Variants in SGCD observed in about 807,000 individuals in gnomAD.
SGCD encodes the protein sarcoglycan delta, also known as delta-sarcoglycan.
In SGCD, 18 loss-of-function variants were observed where a neutral mutation model predicts 36.6. The observed-to-expected ratio is 0.49, with a 90% CI of 0.34 to 0.73. SGCD has a LOEUF of 0.73. Ranked by LOEUF, SGCD falls within the 30% of genes least tolerant of loss-of-function variation. The pLI is 0.01. For synonymous variants in SGCD, 133 were observed against 130.6 expected (o/e 1.02, Z -0.12); for missense variants, 387 against 346.7 (o/e 1.12, Z -0.92).
At chr5:156,423,531 G>A (rs182240247) in intron 3 of SGCD, among the ~76,000 whole-genome samples, 124 of 144,558 alleles carry the variant, frequency 8.6e-4, no homozygotes, top group African/African-American at 2.9e-3. Context: ...CTGTACCTTC[G>A]ATGTGAAGGT....
At chr5:155,860,340 T>C in the SGCD span, among the ~76,000 whole-genome samples, 1 of 152,238 alleles carries the variant, frequency 6.6e-6, no homozygotes, top group Non-Finnish European at 1.5e-5. Context: ...TTTAAACTTT[T>C]TTAACCTATT....
intron 4 of SGCD, among the ~76,000 whole-genome samples, chr5:156,527,250 A>C (rs948863274): frequency 6.6e-6 from 1 of 152,238 alleles, no homozygotes; most frequent in African/African-American, 2.4e-5. Context: ...ATACAGTAAC[A>C]TAGTCACAAA....
chr5:155,911,909 C>T (rs1381913112), intron 1 of SGCD, among the ~76,000 whole-genome samples: 1 of 152,092 alleles, frequency 6.6e-6, no homozygotes, highest in Non-Finnish European at 1.5e-5. Flanking sequence ...CTGCTGCCAC[C>T]TGCAGCCCTC....
intron 3 of SGCD, among the ~76,000 whole-genome samples, chr5:156,209,288 A>G (rs1764373836): frequency 6.6e-6 from 1 of 152,126 alleles, no homozygotes; most frequent in South Asian, 2.1e-4. Flanking sequence ...CAACCCTCAG[A>G]GCACCAGGTT....
chr5:156,510,079 C>T (rs1264319500), intron 4 of SGCD, among the ~76,000 whole-genome samples: 1 of 152,208 alleles, frequency 6.6e-6, no homozygotes, highest in East Asian at 1.9e-4. Context: ...TTGTATTAAA[C>T]TGGTACCACT....
intron 3 of SGCD, among the ~76,000 whole-genome samples, chr5:156,415,103 G>A (rs1772956969): frequency 6.6e-6 from 1 of 151,748 alleles, no homozygotes; most frequent in African/African-American, 2.4e-5. Flanking sequence ...AGTCTTGAAT[G>A]GAATAATATC....
At chr5:156,093,998 G>A (rs891908) in intron 1 of SGCD, among the ~76,000 whole-genome samples, 26,774 of 152,096 alleles carry the variant, frequency 0.18, 3,833 homozygotes, top group East Asian at 0.46. Flanking sequence ...GCCCTGCTCT[G>A]GTCATGGTAT....
intron 3 of SGCD, among the ~76,000 whole-genome samples, chr5:156,379,898 AAAG>A (rs1770884238): frequency 1.3e-5 from 2 of 152,206 alleles, no homozygotes; most frequent in South Asian, 2.1e-4. Flanking sequence ...TCTTAGGAAA[AAAG>A]AAAAAGCAAA....
chr5:156,056,645 T>TAAAAAAAAAAAAAAAAA (rs561328077), intron 1 of SGCD, among the ~76,000 whole-genome samples: 4 of 68,278 alleles, frequency 5.9e-5, no homozygotes, highest in East Asian at 1.3e-3. Flanking sequence ...AAATTATCCT[T>TAAAAAAAAAAAAAAAAA]AAAAAAAAAA....
intron 3 of SGCD, among the ~76,000 whole-genome samples, chr5:156,207,210 A>G (rs1764304052): frequency 6.6e-6 from 1 of 152,110 alleles, no homozygotes; most frequent in South Asian, 2.1e-4. Flanking sequence ...CACTGCATGT[A>G]CACTTTGATG....
intron 2 of SGCD, among the ~76,000 whole-genome samples, chr5:156,340,369 T>G (rs1467105178): frequency 6.6e-6 from 1 of 152,218 alleles, no homozygotes; most frequent in African/African-American, 2.4e-5. Context: ...ATCGTGTCCT[T>G]TGGTCCTCTT....
intron 3 of SGCD, among the ~76,000 whole-genome samples, chr5:156,386,616 T>C (rs1771289296): frequency 6.6e-6 from 1 of 152,234 alleles, no homozygotes; most frequent in Admixed American, 6.5e-5. Flanking sequence ...GCCATATATC[T>C]TAATGAAATG....
intron 3 of SGCD, among the ~76,000 whole-genome samples, chr5:156,500,554 A>G (rs1409186900): frequency 6.6e-6 from 1 of 152,206 alleles, no homozygotes; most frequent in East Asian, 1.9e-4. Context: ...ATGCAGGGGG[A>G]AAATCAAAGG....
At chr5:156,259,708 G>A (rs553730095) in intron 3 of SGCD, among the ~76,000 whole-genome samples, 8 of 152,124 alleles carry the variant, frequency 5.3e-5, no homozygotes, top group East Asian at 1.9e-4. Context: ...CCTCAAATTC[G>A]TATGTTCATT....
chr5:155,902,575 T>A (rs1295560049), intron 1 of SGCD, among the ~76,000 whole-genome samples: 1 of 152,184 alleles, frequency 6.6e-6, no homozygotes, highest in Non-Finnish European at 1.5e-5. Flanking sequence ...GCAAACCAGG[T>A]CAGGAACCCC....
intron 7 of SGCD, among the ~76,000 whole-genome samples, chr5:156,701,478 T>C (rs1052195997): frequency 1.6e-4 from 25 of 152,216 alleles, no homozygotes; most frequent in African/African-American, 5.8e-4. Flanking sequence ...TCTTCCACAA[T>C]TGACTGTTTA....
At chr5:156,358,007 T>A (rs1248455260) in intron 3 of SGCD, among the ~76,000 whole-genome samples, 2 of 152,210 alleles carry the variant, frequency 1.3e-5, no homozygotes, top group Admixed American at 1.3e-4. Context: ...TACATTCTGG[T>A]CCCTTAGCTA....
chr5:156,685,532 G>A lies in SGCD; in HGVS notation c.575+37996G>A, dbSNP rs544477722. Among the ~76,000 whole-genome samples, 7 of 152,288 alleles carry A rather than the reference G, an allele frequency of 4.6e-5. No homozygotes were observed. The South Asian group carries it at 6.2e-4, about 14-fold the overall frequency. On this transcript the variant is annotated intron_variant, in intron 7 of 8. Coordinates refer to ENST00000337851, the MANE Select transcript of SGCD (RefSeq NM_000337.6). ...AAAGGGCCATCAGCAATCCTGATGA[G>A]CATCTTTTTGCCTTAGTTTGTAGCT...
intron 3 of SGCD, among the ~76,000 whole-genome samples, chr5:156,210,746 T>TATTTGAAAATATACAGTAAGGTC (rs1486257769): frequency 2.6e-5 from 4 of 151,798 alleles, no homozygotes; most frequent in Non-Finnish European, 5.9e-5. Context: ...ACAGACAAGT[T>TATTTGAAAATATACAGTAAGGTC]ATTTGAAAAT....
Sources: gnomAD v4.1 joint callset for allele counts (sites outside exome capture counted in the v4.1 genomes callset) on GRCh38, gnomAD v4.1.1 for gene constraint, MANE v1.5 for transcripts, NCBI Gene and HGNC (gene_info 2026-07-23, HGNC 2026-07-21) for gene names.